TMEM200C: variants seen among roughly 807,000 people sequenced by gnomAD.
The protein encoded by TMEM200C is transmembrane protein TTMA.
For synonymous variants in TMEM200C, 462 were observed against 324.7 expected (o/e 1.42, Z -4.55); for missense variants, 966 against 699.9 (o/e 1.38, Z -4.29).
exon 3 of TMEM200C, chr18:5,884,889 C>T (rs2095164255): frequency 2.0e-5 from 3 of 151,962 alleles, no homozygotes; most frequent in African/African-American, 7.2e-5. Flanking sequence ...ATAAATTGTT[C>T]ATAAATTTGC....
chr18:5,890,777 C>G (rs986731963), exon 3 of TMEM200C: 1 of 644,274 alleles, frequency 1.6e-6, no homozygotes, highest in Non-Finnish European at 2.8e-6. Context: ...GCATGCTGCC[C>G]TCTGCGCCGC....
At chr18:5,890,255 CATG>C in exon 3 of TMEM200C, 5 of 1,588,208 alleles carry the variant, frequency 3.1e-6, no homozygotes, top group Non-Finnish European at 4.3e-6. Flanking sequence ...ACCTGGAAAT[CATG>C]ATGAGTTTCT....
rs528292407 is a variant in TMEM200C at position 5,891,330 on chromosome 18, A to G, written c.734T>C (p.Ile245Thr). The stretch of plus-strand genomic sequence containing the variant: ...GTAGCTGAGGAAGCCGTTGAGCGGT[A>G]TGGCCCCGGGGGGCGCCGCGGCGGG... The change falls in exon 3 of 3, where the codon ATA (isoleucine) becomes ACA (threonine). Residue 245 changes from isoleucine (I) to threonine (T), a missense_variant. Coordinates refer to ENST00000581347, the Ensembl canonical transcript of TMEM200C. The surrounding 1 kb of genome is among the most constrained non-coding windows in gnomAD (Gnocchi z 4.7). 4 of 1,369,948 alleles carry G rather than the reference A, an allele frequency of 2.9e-6. No homozygotes were observed. In the South Asian group the frequency reaches 5.5e-5, roughly 19 times the overall value. The allele number at this position is 1,369,948 out of a possible 1,614,324, so 84.9% of individuals were successfully genotyped here. A position where few individuals can be genotyped will look rare whatever the true frequency, so the allele number is the denominator to read the frequency against.
At chr18:5,893,548 T>C (rs566169804) in intron 2 of TMEM200C, among the ~76,000 whole-genome samples, 5 of 152,370 alleles carry the variant, frequency 3.3e-5, no homozygotes, top group Admixed American at 2.0e-4. Context: ...GGACATTGTA[T>C]GAACTGAAAG....
intron 2 of TMEM200C, among the ~76,000 whole-genome samples, chr18:5,893,304 TC>T (rs1021921614): frequency 4.6e-5 from 7 of 152,014 alleles, no homozygotes; most frequent in Non-Finnish European, 7.3e-5. Context: ...GTTTTGTTTT[TC>T]CCCCTTATCC....
At chr18:5,883,341 G>C (rs1257065488) in exon 3 of TMEM200C, 1 of 152,036 alleles carries the variant, frequency 6.6e-6, no homozygotes, top group African/African-American at 2.4e-5. Flanking sequence ...TTGAAAAGCA[G>C]GTTTTTTGCC....
At chr18:5,882,687 C>CT (rs1305976451) in exon 3 of TMEM200C, 2 of 152,042 alleles carry the variant, frequency 1.3e-5, no homozygotes, top group Non-Finnish European at 2.9e-5. Flanking sequence ...ACTTTTCGGT[C>CT]TTTTTTAAGA....
intron 2 of TMEM200C, among the ~76,000 whole-genome samples, chr18:5,894,341 C>A (rs1353630097): frequency 6.6e-6 from 1 of 152,198 alleles, no homozygotes; most frequent in Non-Finnish European, 1.5e-5. Flanking sequence ...ATTATTCCTT[C>A]AGCTCTGTTG....
chr18:5,890,581 G>C, exon 3 of TMEM200C: 1 of 1,294,172 alleles, frequency 7.7e-7, no homozygotes, highest in East Asian at 3.1e-5. Flanking sequence ...CTGGAGTCCG[G>C]GTCCGCACTC....
At chr18:5,895,660 G>C (rs988601942) in intron 1 of TMEM200C, among the ~76,000 whole-genome samples, 138 bp from the exon 1 acceptor site, 1 of 146,146 alleles carries the variant, frequency 6.8e-6, no homozygotes, top group Admixed American at 6.8e-5. Flanking sequence ...CCCGCCGCCC[G>C]TCCCTTCGGA....
At chr18:5,893,952 A>T (rs996998898) in intron 2 of TMEM200C, among the ~76,000 whole-genome samples, 4 of 152,236 alleles carry the variant, frequency 2.6e-5, no homozygotes, top group African/African-American at 9.6e-5. Flanking sequence ...AATCCCAAAT[A>T]AGTAAGCACA....
At chr18:5,887,017 T>C (rs1381042226) in exon 3 of TMEM200C, 1 of 152,304 alleles carries the variant, frequency 6.6e-6, no homozygotes. Context: ...ACTCCAGTCC[T>C]GTAAGATAGG....
chr18:5,890,366 G>A (rs763186852), exon 3 of TMEM200C: 6 of 1,593,712 alleles, frequency 3.8e-6, no homozygotes, highest in East Asian at 2.3e-5. Context: ...CACCCAGAAC[G>A]GGGGCGGCCA....
chr18:5,891,250 C>T lies in TMEM200C; in HGVS notation c.814G>A (p.Ala272Thr). ...GCCAGCATCGCCGCCGCTCCGAAGG[C>T]GTCCCCGGAGCCACCGCAGCCCCCG... The change falls in exon 3 of 3, where the codon GCC becomes ACC. Residue 272 changes from alanine to threonine, a missense_variant. By Grantham distance (58) the Ala-to-Thr change is moderately conservative. Transcript: ENST00000581347. This position sits in a 1 kb window ranked among gnomAD's most constrained non-coding sequence, Gnocchi z 4.7. 2 of 1,376,020 alleles carry T rather than the reference C, an allele frequency of 1.5e-6. No homozygotes were observed. Among genetic ancestry groups the T allele is most frequent in the South Asian group, 1.6e-5 (1 of 63,354 alleles). 85.2% of individuals were successfully genotyped at this position (1,376,020 alleles called of 1,614,324 possible).
chr18:5,890,573 G>C (rs1244506852), exon 3 of TMEM200C: 9 of 1,350,090 alleles, frequency 6.7e-6, no homozygotes, highest in Non-Finnish European at 8.6e-6. Flanking sequence ...CCAGAGGGCT[G>C]GAGTCCGGGT....
chr18:5,891,792 G>T lies in TMEM200C; in HGVS notation c.272C>A (p.Pro91His). 1 of 1,606,926 alleles carries T rather than the reference G, an allele frequency of 6.2e-7. No homozygotes were observed. The change falls in exon 3 of 3, where the codon CCT becomes CAT. Residue 91 changes from proline (P) to histidine (H), a missense_variant. Pro to His is a moderately conservative substitution (Grantham distance 77, BLOSUM62 -2). Transcript: ENST00000581347. This position sits in a 1 kb window ranked among gnomAD's most constrained non-coding sequence, Gnocchi z 4.7. Reference sequence around the variant, plus strand: ...TGGGACCCGGTGGCTGCTGCCCGCAGGCGGCAGCTGCTTACCCCCCTCCCG... The same window carrying T: ...TGGGACCCGGTGGCTGCTGCCCGCATGCGGCAGCTGCTTACCCCCCTCCCG...
exon 3 of TMEM200C, chr18:5,890,005 T>TAA (rs34293594): frequency 5.3e-3 from 2,044 of 382,460 alleles, no homozygotes; most frequent in South Asian, 7.1e-3. Flanking sequence ...CTAGTTTGCT[T>TAA]AAAAAAAAAA....
At chr18:5,883,248 T>C (rs2095163007) in exon 3 of TMEM200C, 3 of 152,192 alleles carry the variant, frequency 2.0e-5, no homozygotes, top group Non-Finnish European at 1.5e-5. Flanking sequence ...AGAAATCAAG[T>C]AATTATGTGA....
In TMEM200C at chr18:5,891,236, C is replaced by G; in HGVS notation, c.828G>C (p.Ala276=). 1 of 1,342,816 alleles carries G rather than the reference C, an allele frequency of 7.4e-7. No individual in the cohort carries two copies. Among genetic ancestry groups the G allele is most frequent in the Non-Finnish European group, 9.6e-7 (1 of 1,036,804 alleles). The allele number at this position is 1,342,816 out of a possible 1,614,324, so 83.2% of individuals were successfully genotyped here. ...GCCACGAGCCCTTGGCCAGCATCGC[C>G]GCCGCTCCGAAGGCGTCCCCGGAGC... The change falls in exon 3 of 3, where the codon GCG becomes GCC. Residue 276 remains alanine, a synonymous_variant. Coordinates refer to ENST00000581347, the Ensembl canonical transcript of TMEM200C. The surrounding 1 kb of genome is among the most constrained non-coding windows in gnomAD (Gnocchi z 4.7).
Sources: gnomAD v4.1 joint callset for allele counts (sites outside exome capture counted in the v4.1 genomes callset) on GRCh38, gnomAD v4.1.1 for gene constraint, Gnocchi (gnomAD v3.1) non-coding constraint, MANE v1.5 for transcripts, NCBI Gene and HGNC (gene_info 2026-07-23, HGNC 2026-07-21) for gene names.